SOAT1: variants seen among roughly 807,000 people sequenced by gnomAD.
SOAT1 encodes the protein sterol O-acyltransferase 1.
A neutral mutation model predicts 69.5 loss-of-function variants in SOAT1; 55 were observed. The ratio of observed to expected loss-of-function variants is 0.79; its 90% confidence interval spans 0.64 to 0.99. The LOEUF (loss-of-function observed/expected upper bound fraction) is 0.99, where lower values mean the gene tolerates loss of function less well. Ranked by LOEUF, SOAT1 falls within the 50% of genes least tolerant of loss-of-function variation. The probability of loss-of-function intolerance (pLI) is 0.00; values close to 1 mark genes in which losing one functional copy is unlikely to be tolerated. For missense variants in SOAT1, 580 were observed against 669.3 expected (o/e 0.87, Z 1.47); for synonymous variants, 231 against 224.7 (o/e 1.03, Z -0.25).
At chr1:179,347,978 T>C (rs1453397310) in intron 12 of SOAT1, among the ~76,000 whole-genome samples, 2 of 152,238 alleles carry the variant, frequency 1.3e-5, no homozygotes, top group East Asian at 3.8e-4. Context: ...GGAAACTGTT[T>C]GTTCAGAGCA....
chr1:179,338,546 T>C (rs1320758846), intron 5 of SOAT1, among the ~76,000 whole-genome samples: 1 of 152,246 alleles, frequency 6.6e-6, no homozygotes, highest in African/African-American at 2.4e-5. Context: ...GCATGTAATG[T>C]GCTGTTCAGT....
intron 1 of SOAT1, among the ~76,000 whole-genome samples, chr1:179,301,401 A>G (rs992556353): frequency 2.0e-5 from 3 of 152,004 alleles, no homozygotes; most frequent in Admixed American, 1.3e-4. Context: ...CCCTCATCAC[A>G]TTTCTCCATT....
At chr1:179,323,830 C>T (rs575227687) in intron 3 of SOAT1, among the ~76,000 whole-genome samples, 2 of 152,158 alleles carry the variant, frequency 1.3e-5, no homozygotes, top group East Asian at 3.9e-4. Flanking sequence ...TAGCAGCTCT[C>T]CAATAAATGT....
chr1:179,303,141 C>T lies in SOAT1; in HGVS notation c.118+339C>T, dbSNP rs115394287. ...CAAGTTAAGTGAATGACAAAACCTCCAAAATCATACACATAACTAGATTTA... is the reference window on the plus strand; with the variant it reads ...CAAGTTAAGTGAATGACAAAACCTCTAAAATCATACACATAACTAGATTTA... On this transcript the variant is annotated intron_variant, in intron 2 of 15. Coordinates refer to ENST00000367619, the MANE Select transcript of SOAT1 (RefSeq NM_003101.6). Among the ~76,000 whole-genome samples, 362 of 152,186 alleles carry T rather than the reference C, an allele frequency of 2.4e-3. 1 individual carries two copies. The highest frequency in any genetic ancestry group is 7.6e-3 in the African/African-American group (315 of 41,528).
At position 179,341,770 on chromosome 1, in the gene SOAT1, C is replaced by T. The variant is rs368750416; in HGVS notation, c.781-344C>T. ...GACTGGTCTCAAACTCCTGACCTTA[C>T]GATCCGCCTGCCTCGGCCTCCCAAA... is the stretch of plus-strand genomic sequence containing the variant. On this transcript the variant is annotated intron_variant, in intron 7 of 15. Coordinates refer to ENST00000367619, the MANE Select transcript of SOAT1 (RefSeq NM_003101.6). 6.6e-5 allele frequency among the ~76,000 whole-genome samples: 10 copies of T among 152,194 alleles called. No individual in the cohort carries two copies. In the South Asian group the frequency reaches 1.5e-3, roughly 22 times the overall value.
At chr1:179,298,736 A>G in intron 1 of SOAT1, among the ~76,000 whole-genome samples, 1 of 152,196 alleles carries the variant, frequency 6.6e-6, no homozygotes, top group East Asian at 1.9e-4. Flanking sequence ...CTATTTTACA[A>G]TAAAGTGTTC....
chr1:179,350,086 A>T (rs7525946), intron 13 of SOAT1, among the ~76,000 whole-genome samples: 15,104 of 152,110 alleles, frequency 0.099, 1,087 homozygotes, highest in East Asian at 0.38. Flanking sequence ...ATTTTTGAAA[A>T]TAGACTCAGA....
intron 2 of SOAT1, among the ~76,000 whole-genome samples, chr1:179,312,959 G>A (rs1354858786): frequency 6.6e-6 from 1 of 152,146 alleles, no homozygotes; most frequent in Non-Finnish European, 1.5e-5. Flanking sequence ...AAGCTTGAGT[G>A]GGTCATCTCT....
chr1:179,334,883 C>T (rs560249005), intron 3 of SOAT1, among the ~76,000 whole-genome samples: 1 of 151,950 alleles, frequency 6.6e-6, no homozygotes, highest in Admixed American at 6.6e-5. Flanking sequence ...GGTGTGGTGG[C>T]GCATGCCTGT....
intron 14 of SOAT1, among the ~76,000 whole-genome samples, chr1:179,351,046 TTTTTTTTTTTTTTTGAGA>T: frequency 7.4e-6 from 1 of 134,744 alleles, no homozygotes; most frequent in East Asian, 2.0e-4. Context: ...TTTTTTTTTT[TTTTTTTTTTTTTTTGAGA>T]CAGAGTTTCA....
rs1666725060 is a variant in SOAT1, at chr1:179,351,379, A to G, written c.1513A>G (p.Thr505Ala). The change falls in exon 15 of 16, where the codon ACT (threonine) becomes GCT (alanine). Residue 505 changes from threonine (T) to alanine (A), a missense_variant. Coordinates refer to ENST00000367619, the MANE Select transcript of SOAT1 (RefSeq NM_003101.6). ...GCCGATTTGGAATGTTCTGATGTGG[A>G]CTTCTCTTTTCTTGGGCAATGGAGT... ...KKPIWNVLMWTSLFLGNGVLL... is the reference protein window; with the variant it reads ...KKPIWNVLMWASLFLGNGVLL... The G allele has an allele frequency of 6.2e-7, 1 of 1,613,986 alleles. No individual in the cohort carries two copies. Among genetic ancestry groups the G allele is most frequent in the Non-Finnish European group, 8.5e-7 (1 of 1,179,894 alleles).
At chr1:179,298,948 T>C (rs1664742333) in intron 1 of SOAT1, among the ~76,000 whole-genome samples, 2 of 152,230 alleles carry the variant, frequency 1.3e-5, no homozygotes, top group African/African-American at 4.8e-5. Context: ...ACATTTGCTT[T>C]CTTTCTTAAT....
At chr1:179,323,800 C>T (rs1665688021) in intron 3 of SOAT1, among the ~76,000 whole-genome samples, 1 of 152,104 alleles carries the variant, frequency 6.6e-6, no homozygotes, top group East Asian at 1.9e-4. Flanking sequence ...GTGAAAGTAT[C>T]TGTCATGATT....
At chr1:179,309,859 T>G (rs1665158432) in intron 2 of SOAT1, among the ~76,000 whole-genome samples, 1 of 39,334 alleles carries the variant, frequency 2.5e-5, no homozygotes, top group Admixed American at 4.3e-4. Context: ...ATTCTTTTAA[T>G]TGTTATAATT....
rs1360487839 is a variant in SOAT1, at chr1:179,343,648, A to G, written c.987+13A>G. On this transcript the variant is annotated intron_variant, in intron 10 of 15. Transcript: ENST00000367619. ...GAAGTTTGCACAGGTAAGTTTTTGT[A>G]ACTGCCTAAGGTATGTTGATTAGGG... is the stretch of plus-strand genomic sequence containing the variant. The G allele has an allele frequency of 6.3e-7, 1 of 1,595,132 alleles. No individual in the cohort carries two copies. Among genetic ancestry groups the G allele is most frequent in the Non-Finnish European group, 8.6e-7 (1 of 1,164,302 alleles).
chr1:179,350,529 T>C (rs1666689473), intron 14 of SOAT1, 98 bp downstream of exon 14: 16 of 1,123,940 alleles, frequency 1.4e-5, no homozygotes, highest in Non-Finnish European at 1.9e-5. Flanking sequence ...AACTAGATAG[T>C]AGTAGTAACA....
chr1:179,303,240 G>A (rs904597158), intron 2 of SOAT1, among the ~76,000 whole-genome samples: 1 of 152,158 alleles, frequency 6.6e-6, no homozygotes. Flanking sequence ...AATTAGCAGG[G>A]TGCCTAACCC....
At chr1:179,309,311 T>A (rs1665139114) in intron 2 of SOAT1, among the ~76,000 whole-genome samples, 1 of 152,144 alleles carries the variant, frequency 6.6e-6, no homozygotes, top group African/African-American at 2.4e-5. Flanking sequence ...CTCGAACTCC[T>A]GACCTAGTGC....
chr1:179,331,017 G>A (rs1450669779), intron 3 of SOAT1, among the ~76,000 whole-genome samples: 1 of 152,178 alleles, frequency 6.6e-6, no homozygotes, highest in African/African-American at 2.4e-5. Flanking sequence ...GGCACTGATA[G>A]GGTTGACAAA....
Sources: gnomAD v4.1 joint callset for allele counts (sites outside exome capture counted in the v4.1 genomes callset) on GRCh38, gnomAD v4.1.1 for gene constraint, MANE v1.5 for transcripts, NCBI Gene and HGNC (gene_info 2026-07-23, HGNC 2026-07-21) for gene names.